The following ARHGAP32 variants were observed in gnomAD, a reference collection of about 807,000 sequenced individuals.
ARHGAP32 encodes the protein Rho GTPase activating protein 32.
A neutral mutation model predicts 186.5 loss-of-function variants in ARHGAP32; 51 were observed. The ratio of observed to expected loss-of-function variants is 0.27; its 90% CI spans 0.22 to 0.35. The LOEUF (loss-of-function observed/expected upper bound fraction) is 0.35, where lower values mean the gene tolerates loss of function less well. Ranked by LOEUF, ARHGAP32 falls within the 10% of genes least tolerant of loss-of-function variation. The pLI, the probability that ARHGAP32 is intolerant of heterozygous loss-of-function variation, is 1.00. For missense variants in ARHGAP32, 2,186 were observed against 2,623.5 expected, an observed-to-expected ratio of 0.83 and a Z score of 3.64; for synonymous variants, 950 against 964.3, an observed-to-expected ratio of 0.99 and a Z score of 0.27.
intron 6 of ARHGAP32, among the ~76,000 whole-genome samples, chr11:129,074,738 C>T (rs1185087443): frequency 6.6e-6 from 1 of 152,090 alleles, no homozygotes. Flanking sequence ...ATGATCCGCT[C>T]GCCTTGGCCT....
At chr11:129,067,524 T>C (rs1329678723) in intron 6 of ARHGAP32, among the ~76,000 whole-genome samples, 1 of 152,022 alleles carries the variant, frequency 6.6e-6, no homozygotes, top group Non-Finnish European at 1.5e-5. Context: ...AGAACCATCA[T>C]CATTTCTTAC....
chr11:129,271,073 G>A (rs753994615), intron 1 of ARHGAP32, among the ~76,000 whole-genome samples: 2 of 152,158 alleles, frequency 1.3e-5, no homozygotes, highest in East Asian at 3.8e-4. Flanking sequence ...TTATTTCCAC[G>A]GTAAAATGTT....
chr11:129,098,730 T>C (rs1212445036), intron 5 of ARHGAP32, among the ~76,000 whole-genome samples: 2 of 152,162 alleles, frequency 1.3e-5, no homozygotes, highest in East Asian at 1.9e-4. Flanking sequence ...CATTCTTTCC[T>C]ACATCATTTC....
At chr11:129,018,632 A>G (rs1938462359) in intron 11 of ARHGAP32, among the ~76,000 whole-genome samples, 1 of 152,174 alleles carries the variant, frequency 6.6e-6, no homozygotes, top group Non-Finnish European at 1.5e-5. Context: ...AATCTTACTC[A>G]GTCTATAGCC....
chr11:129,265,057 A>G (rs1259309106), intron 1 of ARHGAP32, among the ~76,000 whole-genome samples: 1 of 152,232 alleles, frequency 6.6e-6, no homozygotes, highest in Non-Finnish European at 1.5e-5. Context: ...GAAAGTCTCT[A>G]ACATAAAATC....
chr11:129,007,035 C>A (rs796573528), intron 11 of ARHGAP32, among the ~76,000 whole-genome samples: 1 of 152,224 alleles, frequency 6.6e-6, no homozygotes, highest in East Asian at 1.9e-4. Flanking sequence ...GGGAGTACTG[C>A]CAGGTTACCA....
At chr11:129,179,136 C>A (rs1051050764) in intron 1 of ARHGAP32, among the ~76,000 whole-genome samples, 4 of 152,004 alleles carry the variant, frequency 2.6e-5, no homozygotes, top group East Asian at 1.9e-4. Context: ...GGGCGAAGGA[C>A]ATGAACAGAC....
chr11:129,156,520 T>A (rs1943411438), intron 2 of ARHGAP32, among the ~76,000 whole-genome samples: 1 of 152,144 alleles, frequency 6.6e-6, no homozygotes, highest in Admixed American at 6.5e-5. Flanking sequence ...ACAAAGCCAC[T>A]GTAGCCAGAC....
chr11:129,248,146 A>T (rs1043179003), intron 1 of ARHGAP32, among the ~76,000 whole-genome samples: 2 of 151,336 alleles, frequency 1.3e-5, no homozygotes, highest in Non-Finnish European at 2.9e-5. Flanking sequence ...CCCCATCTCT[A>T]CTAAAAATAC....
At chr11:128,983,856 A>G (rs1406421245) in intron 15 of ARHGAP32, among the ~76,000 whole-genome samples, 1 of 152,206 alleles carries the variant, frequency 6.6e-6, no homozygotes, top group African/African-American at 2.4e-5. Flanking sequence ...AAGTTAATGT[A>G]GAATTTTAGT....
intron 1 of ARHGAP32, among the ~76,000 whole-genome samples, chr11:129,268,737 G>A (rs75423970): frequency 0.02 from 2,147 of 107,444 alleles, 52 homozygotes; most frequent in African/African-American, 0.07. Flanking sequence ...CTAAATAGAA[G>A]ACCAAAGCAG....
At position 129,109,390 on chromosome 11, in the gene ARHGAP32, T is replaced by C. The variant is rs562937472; in HGVS notation, c.444+14056A>G. On this transcript the variant is annotated intron_variant, in intron 5 of 22. Coordinates refer to ENST00000682385, the MANE Select transcript of ARHGAP32 (RefSeq NM_001378024.1). ...AATAGTGCTGCAATAAACATGGGAG[T>C]GTGGGTATCAATCCGATACACTGAT... Among the ~76,000 whole-genome samples, 484 of 152,120 alleles carry C rather than the reference T, an allele frequency of 3.2e-3. 2 individuals carry two copies. Among genetic ancestry groups the C allele is most frequent in the African/African-American group, 0.011 (436 of 41,502 alleles).
At chr11:129,214,534 A>C (rs1245235829) in intron 1 of ARHGAP32, among the ~76,000 whole-genome samples, 1 of 152,220 alleles carries the variant, frequency 6.6e-6, no homozygotes, top group East Asian at 1.9e-4. Flanking sequence ...CACTTTCAGC[A>C]CAGAGAGATT....
intron 5 of ARHGAP32, among the ~76,000 whole-genome samples, chr11:129,103,718 G>C (rs974101156): frequency 6.6e-6 from 1 of 151,674 alleles, no homozygotes. Context: ...ACAAGAGAGG[G>C]GAGAAGACAA....
chr11:129,193,141 G>A (rs1944299201), upstream of ARHGAP32, among the ~76,000 whole-genome samples: 1 of 151,728 alleles, frequency 6.6e-6, no homozygotes, highest in South Asian at 2.1e-4. Context: ...CAAAAATTAA[G>A]AAGACATCTA....
chr11:129,148,707 T>C (rs941928057), intron 2 of ARHGAP32, among the ~76,000 whole-genome samples: 1 of 152,296 alleles, frequency 6.6e-6, no homozygotes. Context: ...GGGAAAGCCA[T>C]GCTTGCTTTC....
chr11:129,082,874 G>A (rs1292250594), intron 6 of ARHGAP32, among the ~76,000 whole-genome samples: 1 of 151,548 alleles, frequency 6.6e-6, no homozygotes, highest in Non-Finnish European at 1.5e-5. Flanking sequence ...AAATAAATCA[G>A]CAAGACAAAA....
rs188131076 is a variant in ARHGAP32, at chr11:129,103,003, A to G, written c.445-9296T>C. On this transcript the variant is annotated intron_variant, in intron 5 of 22. Coordinates refer to ENST00000682385, the MANE Select transcript of ARHGAP32 (RefSeq NM_001378024.1). The stretch of plus-strand genomic sequence containing the variant: ...CCCATCAACAGATGACTGGATAAAC[A>G]AAATGTGGTGCACACATTTACACAT... 1.2e-3 allele frequency among the ~76,000 whole-genome samples: 184 copies of G among 152,304 alleles called. 2 individuals are homozygous for G. Among genetic ancestry groups the G allele is most frequent in the Middle Eastern group, 3.4e-3 (1 of 294 alleles).
At chr11:129,252,682 G>T (rs150087068) in intron 1 of ARHGAP32, among the ~76,000 whole-genome samples, 4 of 152,262 alleles carry the variant, frequency 2.6e-5, no homozygotes, top group African/African-American at 9.6e-5. Flanking sequence ...AGAATATACT[G>T]CCATAAAGTA....
Sources: gnomAD v4.1 joint callset for allele counts (sites outside exome capture counted in the v4.1 genomes callset) on GRCh38, gnomAD v4.1.1 for gene constraint, MANE v1.5 for transcripts, NCBI Gene and HGNC (gene_info 2026-07-23, HGNC 2026-07-21) for gene names.